LHFPL4: variants seen among roughly 807,000 people sequenced by gnomAD.
LHFPL4 encodes LHFPL tetraspan subfamily member 4, also known as LHFPL tetraspan subfamily member 4 protein.
A neutral mutation model predicts 20.0 loss-of-function variants in LHFPL4; 6 were observed. The ratio of observed to expected loss-of-function variants is 0.30; its 90% CI spans 0.16 to 0.59. The LOEUF is 0.59. Ranked by LOEUF, LHFPL4 falls within the 20% of genes least tolerant of loss-of-function variation. The pLI is 0.88. For missense variants in LHFPL4, 215 were observed against 331.2 expected, an observed-to-expected ratio of 0.65 and a Z score of 2.72; for synonymous variants, 129 against 143.8, an observed-to-expected ratio of 0.90 and a Z score of 0.74.
intron 2 of LHFPL4, among the ~76,000 whole-genome samples, chr3:9,525,593 G>A (rs2046368560): frequency 6.6e-6 from 1 of 152,154 alleles, no homozygotes; most frequent in Non-Finnish European, 1.5e-5. Flanking sequence ...GAAACCAGAA[G>A]TCCACTCATC....
At chr3:9,523,400 AAAAAAG>A (rs1256851629) in intron 2 of LHFPL4, among the ~76,000 whole-genome samples, 35 of 112,408 alleles carry the variant, frequency 3.1e-4, no homozygotes, top group African/African-American at 9.8e-4. Flanking sequence ...AAAAGAAAAA[AAAAAAG>A]AAAAAGAAAA....
intron 2 of LHFPL4, among the ~76,000 whole-genome samples, chr3:9,534,208 C>T (rs1283043341): frequency 6.7e-6 from 1 of 150,328 alleles, no homozygotes; most frequent in Non-Finnish European, 1.5e-5. Flanking sequence ...CAGAGCAAGA[C>T]CTTTTCTTAA....
intron 2 of LHFPL4, among the ~76,000 whole-genome samples, chr3:9,539,886 G>A (rs1439972292): frequency 1.3e-5 from 2 of 151,802 alleles, no homozygotes; most frequent in African/African-American, 4.8e-5. Flanking sequence ...TAATAGAAAG[G>A]CAAATTACCA....
chr3:9,512,548 T>A (rs2046268231), intron 2 of LHFPL4, among the ~76,000 whole-genome samples: 3 of 152,172 alleles, frequency 2.0e-5, no homozygotes, highest in Admixed American at 2.0e-4. Context: ...TGCCACAATA[T>A]CTATTCATCC....
At chr3:9,523,991 C>CG (rs1040665477) in intron 2 of LHFPL4, among the ~76,000 whole-genome samples, 2 of 142,226 alleles carry the variant, frequency 1.4e-5, no homozygotes, top group African/African-American at 5.1e-5. Context: ...TTTCCCCCCC[C>CG]CCCAACACTT....
Position 9,506,263 on chromosome 3 carries a change from C to A in LHFPL4, c.407-60G>T. ...CAGGAAGGAAGAGAAAAGACCATTA[C>A]TCGCTAGTGTCCGCAGTCTGGGCCC... On this transcript the variant is annotated intron_variant, in intron 2 of 3. Coordinates refer to ENST00000287585, the MANE Select transcript of LHFPL4 (RefSeq NM_198560.3). The surrounding 1 kb of genome is among the most constrained non-coding windows in gnomAD (Gnocchi z 4.5). 2.8e-6 allele frequency: 4 copies of A among 1,407,008 alleles called. No individual in the cohort carries two copies. The highest frequency in any genetic ancestry group is 2.3e-5 in the East Asian group (1 of 43,772). The allele number at this position is 1,407,008 out of a possible 1,614,324, so 87.2% of individuals were successfully genotyped here. A position where few individuals can be genotyped will look rare whatever the true frequency, so the allele number is the denominator to read the frequency against.
rs920986977 is a variant in LHFPL4, at chr3:9,501,258, T to C, written c.*953A>G. ...GCATGAAAAGGGGCAGAAGGGGTAATGCATCCCCCAACTCCCCACCTCTGG... is the reference window on the plus strand; with the variant it reads ...GCATGAAAAGGGGCAGAAGGGGTAACGCATCCCCCAACTCCCCACCTCTGG... On this transcript the variant is annotated 3_prime_UTR_variant, in exon 4 of 4. Transcript: ENST00000287585. 1 of 152,742 alleles carries C rather than the reference T, an allele frequency of 6.5e-6. No homozygotes were observed. The highest frequency in any genetic ancestry group is 2.4e-5 in the African/African-American group (1 of 41,400). The allele number at this position is 152,742 out of a possible 1,614,324, so 9.5% of individuals were successfully genotyped here.
At chr3:9,529,091 C>G (rs147833624) in intron 2 of LHFPL4, among the ~76,000 whole-genome samples, 2,216 of 151,628 alleles carry the variant, frequency 0.015, 31 homozygotes, top group Non-Finnish European at 0.021. Flanking sequence ...TGCAGTGGCA[C>G]TATCTCAGCT....
At position 9,552,262 on chromosome 3, in the gene LHFPL4, C is replaced by T; in HGVS notation, c.406+12G>A. 1.3e-6 allele frequency: 2 copies of T among 1,581,692 alleles called. No individual in the cohort carries two copies. The highest frequency in any genetic ancestry group is 1.7e-6 in the Non-Finnish European group (2 of 1,160,426). On this transcript the variant is annotated intron_variant, in intron 2 of 3. Transcript: ENST00000287585. Reference sequence around the variant, plus strand: ...CGCTTGTTCTGGGAGTTCCGTCCACCCCCTCCCCTACCTGCCAAGAGCTGC... The same window carrying T: ...CGCTTGTTCTGGGAGTTCCGTCCACTCCCTCCCCTACCTGCCAAGAGCTGC...
At chr3:9,545,935 G>T (rs2046509076) in intron 2 of LHFPL4, among the ~76,000 whole-genome samples, 1 of 151,466 alleles carries the variant, frequency 6.6e-6, no homozygotes, top group African/African-American at 2.4e-5. Context: ...AGAAAGAAAT[G>T]GAGAGAAATG....
At position 9,501,345 on chromosome 3, in the gene LHFPL4, G is replaced by A. The variant is rs191650558; in HGVS notation, c.*866C>T. 1 of 152,932 alleles carries A rather than the reference G, an allele frequency of 6.5e-6. No individual in the cohort carries two copies. Among genetic ancestry groups the A allele is most frequent in the African/African-American group, 2.4e-5 (1 of 41,548 alleles). The allele number at this position is 152,932 out of a possible 1,614,324, so 9.5% of individuals were successfully genotyped here. A position where few individuals can be genotyped will look rare whatever the true frequency, so the allele number is the denominator to read the frequency against. On this transcript the variant is annotated 3_prime_UTR_variant, in exon 4 of 4. Transcript: ENST00000287585. ...AAGAAGTCTGTGCTGTACAAAACAG[G>A]CCAGGGTCAAGGGTCCAGTCATTGG... is the stretch of plus-strand genomic sequence containing the variant.
At chr3:9,512,543 C>T (rs187447688) in intron 2 of LHFPL4, among the ~76,000 whole-genome samples, 5 of 152,274 alleles carry the variant, frequency 3.3e-5, no homozygotes, top group African/African-American at 2.4e-5. Context: ...TATCTTGCCA[C>T]AATATCTATT....
intron 2 of LHFPL4, among the ~76,000 whole-genome samples, chr3:9,523,793 T>G (rs1191582672): frequency 2.0e-5 from 3 of 152,160 alleles, no homozygotes; most frequent in East Asian, 3.9e-4. Flanking sequence ...CTTCCCTTAC[T>G]TGTATACATC....
Position 9,502,243 on chromosome 3 carries a change from G to A in LHFPL4, c.712C>T (p.Pro238Ser). The change falls in exon 4 of 4, where the codon CCC (proline) becomes TCC (serine). Residue 238 changes from proline (P) to serine (S), a missense_variant. This residue lies in a region of LHFPL4 where 51 missense variants were observed against 44.5 expected (regional missense o/e 1.15). Transcript: ENST00000287585. ...GGDVSGWGVL[P>S]CPVAHSQGP is the part of the protein sequence containing the mutation. Reference sequence around the variant, plus strand: ...CCCTGTGAGTGAGCCACGGGGCAGGGAAGGACTCCCCATCCAGAGACATCA... The same window carrying A: ...CCCTGTGAGTGAGCCACGGGGCAGGAAAGGACTCCCCATCCAGAGACATCA... 1.2e-6 allele frequency: 2 copies of A among 1,614,088 alleles called. No homozygotes were observed. Among genetic ancestry groups the A allele is most frequent in the Non-Finnish European group, 1.7e-6 (2 of 1,179,972 alleles).
chr3:9,503,140 G>A (rs1005096123), intron 3 of LHFPL4, among the ~76,000 whole-genome samples: 2 of 152,096 alleles, frequency 1.3e-5, no homozygotes, highest in Non-Finnish European at 2.9e-5. Flanking sequence ...TGGCTCGGAG[G>A]TCTTTGGGTT....
intron 3 of LHFPL4, among the ~76,000 whole-genome samples, chr3:9,503,894 C>T (rs1446544757): frequency 3.3e-5 from 5 of 151,942 alleles, no homozygotes; most frequent in Non-Finnish European, 7.4e-5. Context: ...GGCGTGGTGG[C>T]GCATGCCTGT....
At chr3:9,551,227 G>C (rs2046551370) in intron 2 of LHFPL4, among the ~76,000 whole-genome samples, 1 of 152,092 alleles carries the variant, frequency 6.6e-6, no homozygotes. Context: ...TGAATGTCCT[G>C]AGGTGCTTAT....
At chr3:9,518,803 C>T (rs777841737) in intron 2 of LHFPL4, among the ~76,000 whole-genome samples, 76 of 148,488 alleles carry the variant, frequency 5.1e-4, no homozygotes, top group Non-Finnish European at 9.8e-4. Context: ...CTCACTCTGT[C>T]ACCTAGGCTG....
intron 2 of LHFPL4, among the ~76,000 whole-genome samples, chr3:9,512,468 A>C (rs560327656): frequency 6.6e-6 from 1 of 152,342 alleles, no homozygotes. Flanking sequence ...AAAAAATGTT[A>C]ACAATGGCTG....
Sources: gnomAD v4.1 joint callset for allele counts (sites outside exome capture counted in the v4.1 genomes callset) on GRCh38, gnomAD v4.1.1 for gene constraint, gnomAD v4.1.1 regional missense constraint, Gnocchi (gnomAD v3.1) non-coding constraint, MANE v1.5 for transcripts, NCBI Gene and HGNC (gene_info 2026-07-23, HGNC 2026-07-21) for gene names.